Variants in GRID1 observed in about 807,000 individuals in gnomAD.
GRID1 encodes the protein glutamate receptor ionotropic, delta-1.
Under a neutral mutation model 98.0 loss-of-function variants are expected in GRID1, and 28 were observed. The ratio of observed to expected loss-of-function variants is 0.29; its 90% CI spans 0.21 to 0.39. The LOEUF is 0.39. GRID1 is among the 10% of genes least tolerant of loss of function. GRID1 has a pLI of 1.00. For synonymous variants in GRID1, 553 were observed against 538.5 expected (o/e 1.03, Z -0.37); for missense variants, 1,111 against 1,340.5 (o/e 0.83, Z 2.67).
chr10:85,878,523 A>C (rs1389719547), intron 5 of GRID1, among the ~76,000 whole-genome samples: 3 of 151,940 alleles, frequency 2.0e-5, no homozygotes, highest in South Asian at 2.1e-4. Flanking sequence ...CCAAACTAAG[A>C]TTCATAAGTG....
chr10:86,134,642 C>T (rs1465609314), intron 4 of GRID1, among the ~76,000 whole-genome samples: 1 of 152,158 alleles, frequency 6.6e-6, no homozygotes, highest in African/African-American at 2.4e-5. Flanking sequence ...CACTCCCTCC[C>T]CTGCACACCC....
At chr10:85,986,207 C>T (rs763719267) in intron 4 of GRID1, among the ~76,000 whole-genome samples, 6 of 152,214 alleles carry the variant, frequency 3.9e-5, no homozygotes, top group Non-Finnish European at 7.3e-5. Flanking sequence ...GTAAGTCAGT[C>T]TCCCATATTT....
intron 12 of GRID1, among the ~76,000 whole-genome samples, chr10:85,706,852 G>A (rs1198267344): frequency 1.3e-5 from 2 of 152,190 alleles, no homozygotes; most frequent in Non-Finnish European, 2.9e-5. Context: ...ACAAAAACAA[G>A]TAATGGGGAA....
intron 8 of GRID1, among the ~76,000 whole-genome samples, chr10:85,826,755 C>T (rs1338480846): frequency 1.3e-5 from 2 of 152,150 alleles, no homozygotes; most frequent in African/African-American, 4.8e-5. Flanking sequence ...AATGGGAACA[C>T]CTCAGTTCCT....
intron 8 of GRID1, among the ~76,000 whole-genome samples, chr10:85,852,172 A>C (rs1843064813): frequency 6.6e-6 from 1 of 152,248 alleles, no homozygotes; most frequent in African/African-American, 2.4e-5. Flanking sequence ...GCTGCTAGGC[A>C]GACAGATAAC....
chr10:85,786,753 C>G (rs1445793853), intron 8 of GRID1, among the ~76,000 whole-genome samples: 1 of 152,206 alleles, frequency 6.6e-6, no homozygotes, highest in Non-Finnish European at 1.5e-5. Context: ...GCCCCACCCC[C>G]CGCCAGGACC....
chr10:86,127,922 C>T (rs141657746), intron 4 of GRID1, among the ~76,000 whole-genome samples: 34 of 152,340 alleles, frequency 2.2e-4, no homozygotes, highest in African/African-American at 7.7e-4. Context: ...AGCACCACCC[C>T]TGCACCAGGC....
intron 15 of GRID1, among the ~76,000 whole-genome samples, chr10:85,605,003 A>T (rs1036543326): frequency 6.6e-6 from 1 of 152,212 alleles, no homozygotes; most frequent in Non-Finnish European, 1.5e-5. Flanking sequence ...ACTGAAGCTG[A>T]ATCCGGAACA....
intron 4 of GRID1, among the ~76,000 whole-genome samples, chr10:86,045,107 G>A (rs1843403881): frequency 6.6e-6 from 1 of 152,228 alleles, no homozygotes; most frequent in Non-Finnish European, 1.5e-5. Flanking sequence ...GTTGTCAAGA[G>A]TCAATACTCT....
At chr10:86,289,804 G>A (rs1307047878) in intron 2 of GRID1, among the ~76,000 whole-genome samples, 1 of 152,182 alleles carries the variant, frequency 6.6e-6, no homozygotes, top group Non-Finnish European at 1.5e-5. Context: ...AGCCACCCCA[G>A]CTGGGCCAAT....
chr10:86,078,407 G>A (rs764547894), intron 4 of GRID1, among the ~76,000 whole-genome samples: 14 of 152,238 alleles, frequency 9.2e-5, no homozygotes, highest in Non-Finnish European at 1.6e-4. Context: ...ACGGTCAGCA[G>A]CTGGCTGCCC....
chr10:86,266,360 C>A (rs982599411), intron 2 of GRID1, among the ~76,000 whole-genome samples: 2 of 152,212 alleles, frequency 1.3e-5, no homozygotes, highest in Admixed American at 1.3e-4. Context: ...CACACGGCAT[C>A]CCTGCCTACC....
chr10:86,071,767 T>C (rs576584173), intron 4 of GRID1, among the ~76,000 whole-genome samples: 1 of 152,242 alleles, frequency 6.6e-6, no homozygotes, highest in East Asian at 1.9e-4. Context: ...GATACATAAA[T>C]GATCCATATT....
chr10:85,727,349 G>A (rs888643898), intron 10 of GRID1, among the ~76,000 whole-genome samples: 4 of 152,172 alleles, frequency 2.6e-5, no homozygotes, highest in South Asian at 2.1e-4. Context: ...CTCATGCCAC[G>A]AGTTTCAATG....
At chr10:85,987,702 A>G (rs989294560) in intron 4 of GRID1, among the ~76,000 whole-genome samples, 1 of 150,938 alleles carries the variant, frequency 6.6e-6, no homozygotes, top group Admixed American at 6.6e-5. Flanking sequence ...CCTTCTTTCC[A>G]GAATCCAGGA....
intron 12 of GRID1, among the ~76,000 whole-genome samples, chr10:85,689,101 C>T (rs1029467739): frequency 6.6e-6 from 1 of 152,158 alleles, no homozygotes; most frequent in African/African-American, 2.4e-5. Context: ...TTTAAAATGT[C>T]TCCGTCGAGC....
chr10:86,067,024 G>T (rs1038196338), intron 4 of GRID1, among the ~76,000 whole-genome samples: 1 of 152,146 alleles, frequency 6.6e-6, no homozygotes, highest in Non-Finnish European at 1.5e-5. Flanking sequence ...CCTTAATAGC[G>T]CATAGAGCTG....
intron 2 of GRID1, among the ~76,000 whole-genome samples, chr10:86,231,728 G>A (rs533024261): frequency 2.6e-5 from 4 of 152,142 alleles, no homozygotes; most frequent in Non-Finnish European, 5.9e-5. Context: ...ACCACCACAG[G>A]AGTCATTAGA....
At chr10:86,081,297 T>G (rs1408782478) in intron 4 of GRID1, among the ~76,000 whole-genome samples, 1 of 152,196 alleles carries the variant, frequency 6.6e-6, no homozygotes, top group Non-Finnish European at 1.5e-5. Flanking sequence ...TGGTGGGTAT[T>G]ACAGTGTGCC....
Sources: gnomAD v4.1 joint callset for allele counts (sites outside exome capture counted in the v4.1 genomes callset) on GRCh38, gnomAD v4.1.1 for gene constraint, MANE v1.5 for transcripts, NCBI Gene and HGNC (gene_info 2026-07-23, HGNC 2026-07-21) for gene names.